The following APBA1 variants were observed in gnomAD, a reference collection of about 807,000 sequenced individuals.
APBA1 encodes the protein amyloid beta precursor protein binding family A member 1.
A neutral mutation model predicts 86.6 loss-of-function variants in APBA1; 55 were observed. The ratio of observed to expected loss-of-function variants is 0.64; its 90% confidence interval spans 0.51 to 0.80. The LOEUF is 0.80. Among genes scored for constraint, APBA1 ranks in the 30% least tolerant of loss-of-function variants. The pLI is 0.00. For synonymous variants in APBA1, 511 were observed against 493.9 expected, an observed-to-expected ratio of 1.03 and a Z score of -0.46; for missense variants, 1,090 against 1,183.0, an observed-to-expected ratio of 0.92 and a Z score of 1.15.
In APBA1 at chr9:69,430,393, G is replaced by A. The variant is rs975531908; in HGVS notation, c.*934C>T. ...CAGCGCAGAGAGGGCAGGTCTCTCA[G>A]GATGAGGCTGAGCAGCCCCCGCCTG... On this transcript the variant is annotated 3_prime_UTR_variant, in exon 13 of 13. Transcript: ENST00000265381. 2.0e-5 allele frequency: 3 copies of A among 152,238 alleles called. No homozygotes were observed. The highest frequency in any genetic ancestry group is 7.2e-5 in the African/African-American group (3 of 41,466). The allele number at this position is 152,238 out of a possible 1,614,324, so 9.4% of individuals were successfully genotyped here.
intron 1 of APBA1, among the ~76,000 whole-genome samples, chr9:69,641,078 C>T (rs1823279036): frequency 6.6e-6 from 1 of 151,806 alleles, no homozygotes. Context: ...GAGGAATATA[C>T]CAAAGTGATA....
intron 1 of APBA1, among the ~76,000 whole-genome samples, chr9:69,554,327 C>G (rs900944068): frequency 3.3e-5 from 5 of 152,162 alleles, no homozygotes; most frequent in African/African-American, 1.2e-4. Context: ...AGGTCATGTA[C>G]TTAGTAAGTA....
intron 1 of APBA1, among the ~76,000 whole-genome samples, chr9:69,664,632 T>C (rs1823811030): frequency 6.6e-6 from 1 of 152,262 alleles, no homozygotes; most frequent in Admixed American, 6.5e-5. Context: ...TTCAATTATA[T>C]GAAAGTAAAC....
chr9:69,558,701 C>A (rs1373248819), intron 1 of APBA1, among the ~76,000 whole-genome samples: 1 of 152,050 alleles, frequency 6.6e-6, no homozygotes, highest in East Asian at 1.9e-4. Flanking sequence ...AGATGTTATG[C>A]CTAGTACCCA....
intron 1 of APBA1, among the ~76,000 whole-genome samples, chr9:69,573,126 C>T (rs1837142578): frequency 6.6e-6 from 1 of 152,062 alleles, no homozygotes; most frequent in Non-Finnish European, 1.5e-5. Flanking sequence ...CACCACTGCA[C>T]TCCAGCCTCG....
intron 1 of APBA1, among the ~76,000 whole-genome samples, chr9:69,663,415 T>G (rs1016427794): frequency 2.0e-5 from 3 of 152,244 alleles, no homozygotes; most frequent in Non-Finnish European, 2.9e-5. Flanking sequence ...ATTCACTGAA[T>G]AGCCAATGTA....
chr9:69,552,106 G>A (rs1256897056), intron 1 of APBA1, among the ~76,000 whole-genome samples: 2 of 152,210 alleles, frequency 1.3e-5, no homozygotes, highest in African/African-American at 4.8e-5. Flanking sequence ...GAAAGACTGA[G>A]AAGAAAGTAT....
chr9:69,539,660 G>T (rs77811064), intron 1 of APBA1, among the ~76,000 whole-genome samples: 1 of 152,090 alleles, frequency 6.6e-6, no homozygotes, highest in Non-Finnish European at 1.5e-5. Flanking sequence ...TCACCTCAGC[G>T]TCTACGCTCC....
chr9:69,563,452 T>G (rs1364590556), intron 1 of APBA1, among the ~76,000 whole-genome samples: 1 of 152,190 alleles, frequency 6.6e-6, no homozygotes, highest in African/African-American at 2.4e-5. Flanking sequence ...AAGGTTTACT[T>G]TCTAGTCTCT....
chr9:69,547,115 G>C (rs1333948950), intron 1 of APBA1, among the ~76,000 whole-genome samples: 1 of 152,194 alleles, frequency 6.6e-6, no homozygotes, highest in Non-Finnish European at 1.5e-5. Flanking sequence ...AGACCAGTGA[G>C]GAATTAAATT....
chr9:69,576,553 G>T (rs1284768329), intron 1 of APBA1, among the ~76,000 whole-genome samples: 2 of 152,192 alleles, frequency 1.3e-5, no homozygotes, highest in Non-Finnish European at 2.9e-5. Context: ...CATGTCTTTT[G>T]TAGGGACATG....
At chr9:69,535,980 C>T (rs12339124) in intron 1 of APBA1, among the ~76,000 whole-genome samples, 33 of 151,686 alleles carry the variant, frequency 2.2e-4, no homozygotes, top group African/African-American at 8.0e-4. Flanking sequence ...CTATTTTCCC[C>T]CACATATTTG....
At chr9:69,458,636 C>A (rs1052883141) in intron 5 of APBA1, among the ~76,000 whole-genome samples, 1 of 152,150 alleles carries the variant, frequency 6.6e-6, no homozygotes, top group Non-Finnish European at 1.5e-5. Context: ...CTATGAATCT[C>A]CCTCTAAGCA....
chr9:69,613,185 C>T (rs553485916), intron 1 of APBA1, among the ~76,000 whole-genome samples: 2 of 139,662 alleles, frequency 1.4e-5, no homozygotes, highest in South Asian at 2.4e-4. Flanking sequence ...TACACTGCTA[C>T]ATAACTAAAA....
At chr9:69,449,397 G>A (rs1834963697) in intron 10 of APBA1, among the ~76,000 whole-genome samples, 187 bp downstream of exon 10, 1 of 152,164 alleles carries the variant, frequency 6.6e-6, no homozygotes, top group Non-Finnish European at 1.5e-5. Context: ...ATTGATTTCA[G>A]GGAAGAATCT....
intron 1 of APBA1, among the ~76,000 whole-genome samples, chr9:69,640,260 C>A (rs1489203479): frequency 6.6e-6 from 1 of 151,932 alleles, no homozygotes; most frequent in Non-Finnish European, 1.5e-5. Context: ...GAAACAATGA[C>A]AGTTTTAGAA....
intron 4 of APBA1, 65 bp from the exon 5 acceptor site, chr9:69,468,033 G>C: frequency 1.3e-6 from 2 of 1,574,882 alleles, no homozygotes; most frequent in South Asian, 1.2e-5. Context: ...CCCCTCAATG[G>C]CACATCTCCC....
At chr9:69,449,878 G>A (rs1446264961) in intron 9 of APBA1, 82 bp from the exon 10 acceptor site, 1 of 1,288,622 alleles carries the variant, frequency 7.8e-7, no homozygotes, top group Non-Finnish European at 1.1e-6. Flanking sequence ...CCCCATTCCT[G>A]TCTTGCCTAA....
At chr9:69,672,524 C>A (rs1237626578), upstream of APBA1, among the ~76,000 whole-genome samples, 3 of 146,982 alleles carry the variant, frequency 2.0e-5, no homozygotes, top group South Asian at 2.1e-4. Context: ...GCCTCCCTCG[C>A]CCACTCGCGT....
Sources: gnomAD v4.1 joint callset for allele counts (sites outside exome capture counted in the v4.1 genomes callset) on GRCh38, gnomAD v4.1.1 for gene constraint, MANE v1.5 for transcripts, NCBI Gene and HGNC (gene_info 2026-07-23, HGNC 2026-07-21) for gene names.